TTC28: variants seen among roughly 807,000 people sequenced by gnomAD.
The protein encoded by TTC28 is tetratricopeptide repeat protein 28.
A neutral mutation model predicts 198.0 loss-of-function variants in TTC28; 61 were observed. The observed-to-expected ratio is 0.31, with a 90% confidence interval of 0.25 to 0.38. TTC28 has a LOEUF of 0.38. Among genes scored for constraint, TTC28 ranks in the 10% least tolerant of loss-of-function variants. The pLI is 1.00. For missense variants in TTC28, 2,678 were observed against 3,164.0 expected, an observed-to-expected ratio of 0.85 and a Z score of 3.69; for synonymous variants, 1,171 against 1,297.8, an observed-to-expected ratio of 0.90 and a Z score of 2.10.
At chr22:28,586,413 G>A (rs982737820) in intron 2 of TTC28, among the ~76,000 whole-genome samples, 4 of 152,004 alleles carry the variant, frequency 2.6e-5, no homozygotes, top group East Asian at 3.9e-4. Flanking sequence ...AGAATCTATA[G>A]AAAGATTAAA....
intron 2 of TTC28, among the ~76,000 whole-genome samples, chr22:28,547,497 T>C (rs2049570436): frequency 6.6e-6 from 1 of 152,160 alleles, no homozygotes; most frequent in Non-Finnish European, 1.5e-5. Flanking sequence ...GTCTCTCCCT[T>C]ATAAAGTATG....
chr22:28,484,937 C>T (rs921643847), intron 2 of TTC28, among the ~76,000 whole-genome samples: 1 of 152,138 alleles, frequency 6.6e-6, no homozygotes, highest in South Asian at 2.1e-4. Context: ...ATGAAAGTAT[C>T]CATAAACTGC....
chr22:28,536,220 A>AC, intron 2 of TTC28, among the ~76,000 whole-genome samples: 1 of 82,374 alleles, frequency 1.2e-5, no homozygotes, highest in African/African-American at 4.8e-5. Context: ...AAAAAAAAAA[A>AC]CATAAAAATA....
chr22:28,660,338 CT>C (rs1453527563), intron 1 of TTC28, among the ~76,000 whole-genome samples: 9 of 151,466 alleles, frequency 5.9e-5, no homozygotes, highest in South Asian at 2.1e-4. Flanking sequence ...AATTTTTTTT[CT>C]TTTAGAGACG....
At chr22:28,284,350 C>T (rs969562536) in intron 5 of TTC28, among the ~76,000 whole-genome samples, 2 of 152,098 alleles carry the variant, frequency 1.3e-5, no homozygotes, top group Non-Finnish European at 2.9e-5. Flanking sequence ...TCACCGAGGG[C>T]CACAGTTTGT....
At chr22:28,205,712 G>C (rs1415468764) in intron 5 of TTC28, among the ~76,000 whole-genome samples, 1 of 152,002 alleles carries the variant, frequency 6.6e-6, no homozygotes, top group African/African-American at 2.4e-5. Flanking sequence ...CTGAAATGAA[G>C]GTATGATTTC....
At chr22:28,321,475 C>G (rs2045444685) in intron 2 of TTC28, among the ~76,000 whole-genome samples, 1 of 152,092 alleles carries the variant, frequency 6.6e-6, no homozygotes. Context: ...TAATTGCACA[C>G]CATTAATTCT....
intron 1 of TTC28, among the ~76,000 whole-genome samples, chr22:28,647,674 CT>C (rs769549157): frequency 1.3e-5 from 2 of 150,882 alleles, no homozygotes; most frequent in African/African-American, 4.9e-5. Context: ...CCCGTCTCTA[CT>C]AAAAATACAA....
In TTC28 at chr22:28,163,257, C is replaced by T; in HGVS notation, c.1276G>A (p.Glu426Lys). Residue 426 changes from glutamate (E) to lysine (K), a missense_variant, in exon 6 of 23, where the codon GAG becomes AAG. By Grantham distance (56) the Glu-to-Lys change is moderately conservative. Transcript: ENST00000397906. ...ATCTCAATAGCCTTCTCCATCAACTCCTGTGCCAGCTCCAGGACATAGTTA... is the reference window on the plus strand; with the variant it reads ...ATCTCAATAGCCTTCTCCATCAACTTCTGTGCCAGCTCCAGGACATAGTTA... ...YHNYVLELAQ[E>K]LMEKAIEMRA... 6.4e-7 allele frequency: 1 copy of T among 1,551,854 alleles called. No homozygotes were observed. Among genetic ancestry groups the T allele is most frequent in the African/African-American group, 1.4e-5 (1 of 73,168 alleles).
intron 2 of TTC28, among the ~76,000 whole-genome samples, chr22:28,496,873 A>G (rs1474774368): frequency 6.6e-6 from 1 of 152,002 alleles, no homozygotes; most frequent in African/African-American, 2.4e-5. Flanking sequence ...CCTCCTCCTC[A>G]CTTGCTCCAG....
chr22:28,578,674 G>A (rs1162671599), intron 2 of TTC28, among the ~76,000 whole-genome samples: 4 of 152,124 alleles, frequency 2.6e-5, no homozygotes, highest in Non-Finnish European at 5.9e-5. Context: ...GTCCTGAATT[G>A]CCTACACCAC....
At chr22:28,470,822 A>C (rs1016368299) in intron 2 of TTC28, among the ~76,000 whole-genome samples, 1 of 152,322 alleles carries the variant, frequency 6.6e-6, no homozygotes, top group African/African-American at 2.4e-5. Flanking sequence ...AGGTTTTAGC[A>C]GGTGAAGAAC....
chr22:28,298,914 C>T (rs539877366), intron 3 of TTC28, among the ~76,000 whole-genome samples: 11 of 152,278 alleles, frequency 7.2e-5, no homozygotes, highest in Middle Eastern at 3.4e-3. Context: ...GAATATTATG[C>T]ATTTTTCTTG....
chr22:28,371,144 G>GT (rs965699289), intron 2 of TTC28, among the ~76,000 whole-genome samples: 1 of 152,052 alleles, frequency 6.6e-6, no homozygotes, highest in African/African-American at 2.4e-5. Context: ...TTTGCTACCA[G>GT]TTTTTTTCAC....
In TTC28 at chr22:28,087,633, T is replaced by G. The variant is rs866356496; in HGVS notation, c.3932+6447A>C. ...GGGATGCCCTCTCTCACCACTCCTA[T>G]TCAACACAGTGCTGGAAGTTCTGGC... is the stretch of plus-strand genomic sequence containing the variant. On this transcript the variant is annotated intron_variant, in intron 12 of 22. Coordinates refer to ENST00000397906, the MANE Select transcript of TTC28 (RefSeq NM_001145418.2). Among the ~76,000 whole-genome samples, 66 of 152,228 alleles carry G rather than the reference T, an allele frequency of 4.3e-4. 1 individual carries two copies. Among genetic ancestry groups the G allele is most frequent in the Middle Eastern group, 3.4e-3 (1 of 294 alleles).
At chr22:28,480,730 A>C (rs1247088865) in intron 2 of TTC28, among the ~76,000 whole-genome samples, 2 of 152,192 alleles carry the variant, frequency 1.3e-5, no homozygotes, top group Non-Finnish European at 2.9e-5. Context: ...ATGAAACAAC[A>C]GTGAGAATGG....
chr22:28,302,567 G>C (rs2045047925), intron 3 of TTC28, among the ~76,000 whole-genome samples: 1 of 152,220 alleles, frequency 6.6e-6, no homozygotes, highest in Non-Finnish European at 1.5e-5. Context: ...CTGAAGTACA[G>C]AGAAAGGAAG....
At chr22:28,598,850 A>G (rs1048987421) in intron 2 of TTC28, among the ~76,000 whole-genome samples, 4 of 152,226 alleles carry the variant, frequency 2.6e-5, no homozygotes, top group Non-Finnish European at 5.9e-5. Context: ...CTTTATTCCC[A>G]TCGCATTAAG....
At chr22:28,662,421 T>C (rs9620811) in intron 1 of TTC28, among the ~76,000 whole-genome samples, 20,761 of 152,240 alleles carry the variant, frequency 0.14, 1,667 homozygotes, top group African/African-American at 0.2. Context: ...TTCAGTTTCC[T>C]AGCTGGATGG....
Sources: allele counts gnomAD v4.1 joint callset (sites outside exome capture counted in the v4.1 genomes callset), GRCh38; gene constraint gnomAD v4.1.1; transcripts MANE v1.5; gene names NCBI Gene and HGNC (gene_info 2026-07-23, HGNC 2026-07-21).